Variants in DAP observed in about 807,000 individuals in gnomAD.
DAP encodes death-associated protein 1.
In DAP, 8 loss-of-function variants were observed where a neutral mutation model predicts 13.8. The ratio of observed to expected loss-of-function variants is 0.58; its 90% CI spans 0.34 to 1.05. The LOEUF is 1.05. DAP is among the 50% of genes least tolerant of loss of function. DAP has a pLI of 0.03. For missense variants in DAP, 106 were observed against 133.2 expected, an observed-to-expected ratio of 0.80 and a Z score of 1.01; for synonymous variants, 47 against 47.5, an observed-to-expected ratio of 0.99 and a Z score of 0.04.
rs1458372372 is a variant in DAP, at chr5:10,681,097, G to A, written c.268C>T (p.Pro90Ser). The A allele has an allele frequency of 4.4e-6, 7 of 1,592,776 alleles. No homozygotes were observed. Among genetic ancestry groups the A allele is most frequent in the African/African-American group, 1.3e-5 (1 of 74,442 alleles). The stretch of plus-strand genomic sequence containing the variant: ...TGGATGTGCTGGGTTCTTGGGGAAG[G>A]ATGCTTGTCCATGGAGGCATGCGGC... ...QKPHASMDKH[P>S]SPRTQHIQQP... The change falls in exon 4 of 4, where the codon CCT (proline) becomes TCT (serine). Residue 90 changes from proline (P) to serine (S), a missense_variant. Physicochemically the swap from Pro to Ser is moderately conservative, Grantham distance 74. Coordinates refer to ENST00000230895, the MANE Select transcript of DAP (RefSeq NM_004394.3).
In DAP at chr5:10,705,980, G is replaced by A. The variant is rs1279078155; in HGVS notation, c.153-22409C>T. Among the ~76,000 whole-genome samples, 4 of 152,168 alleles carry A rather than the reference G, an allele frequency of 2.6e-5. 1 individual carries two copies. Among genetic ancestry groups the A allele is most frequent in the Non-Finnish European group, 5.9e-5 (4 of 68,034 alleles). ...ATTTCTCAAATATGCATCATTTTAG[G>A]TAGATGAGAAAGAAGCCACAGTCAC... is the stretch of plus-strand genomic sequence containing the variant. On this transcript the variant is annotated intron_variant, in intron 2 of 3. Coordinates refer to ENST00000230895, the MANE Select transcript of DAP (RefSeq NM_004394.3).
chr5:10,722,601 T>C (rs1366186501), intron 2 of DAP, among the ~76,000 whole-genome samples: 3 of 147,920 alleles, frequency 2.0e-5, no homozygotes, highest in East Asian at 1.9e-4. Flanking sequence ...TATACATATA[T>C]ATACATATAT....
chr5:10,760,942 C>T (rs929960313), intron 1 of DAP, 72 bp downstream of exon 1: 3 of 1,031,078 alleles, frequency 2.9e-6, no homozygotes, highest in Non-Finnish European at 3.7e-6. Flanking sequence ...CCGCGGAGCC[C>T]CCGCCCGGCG....
intron 3 of DAP, chr5:10,682,976 T>G: frequency 5.9e-6 from 1 of 169,304 alleles, no homozygotes; most frequent in Non-Finnish European, 1.2e-5. Flanking sequence ...CAGAGCCAGG[T>G]TCGGCCTGTC....
At chr5:10,708,024 A>G (rs1366550376) in intron 2 of DAP, among the ~76,000 whole-genome samples, 2 of 152,248 alleles carry the variant, frequency 1.3e-5, no homozygotes, top group Non-Finnish European at 2.9e-5. Context: ...TTCACGGGCA[A>G]TACAAACTTG....
chr5:10,703,332 G>A (rs756107041), intron 2 of DAP, among the ~76,000 whole-genome samples: 3 of 152,220 alleles, frequency 2.0e-5, no homozygotes, highest in Admixed American at 6.5e-5. Context: ...ATGCTAGTGT[G>A]CTGAGTTGGG....
intron 1 of DAP, among the ~76,000 whole-genome samples, chr5:10,749,907 C>T (rs758650754): frequency 7.9e-5 from 12 of 152,236 alleles, no homozygotes; most frequent in African/African-American, 2.9e-4. Flanking sequence ...TCCTCCACGC[C>T]CTCAGCTATG....
rs1231776937 is a variant in DAP at position 10,707,100 on chromosome 5, A to G, written c.153-23529T>C. On this transcript the variant is annotated intron_variant, in intron 2 of 3. Coordinates refer to ENST00000230895, the MANE Select transcript of DAP (RefSeq NM_004394.3). This position sits in a 1 kb window ranked among gnomAD's most constrained non-coding sequence, Gnocchi z 4.0. Reference sequence around the variant, plus strand: ...CCCCAAGTCAGTCGGCCAGTTTGCAACGTCTGAGGTGGCTGGGGCTCAATG... The same window carrying G: ...CCCCAAGTCAGTCGGCCAGTTTGCAGCGTCTGAGGTGGCTGGGGCTCAATG... Among the ~76,000 whole-genome samples, 4 of 152,232 alleles carry G rather than the reference A, an allele frequency of 2.6e-5. No individual in the cohort carries two copies. The highest frequency in any genetic ancestry group is 9.6e-5 in the African/African-American group (4 of 41,462).
intron 2 of DAP, among the ~76,000 whole-genome samples, chr5:10,699,896 T>C (rs1738524163): frequency 6.6e-6 from 1 of 152,218 alleles, no homozygotes; most frequent in African/African-American, 2.4e-5. Flanking sequence ...CCAGATAATA[T>C]GCTTTACCAC....
chr5:10,745,541 CCTCTT>C (rs1432624672), intron 2 of DAP, among the ~76,000 whole-genome samples: 1 of 152,152 alleles, frequency 6.6e-6, no homozygotes, highest in African/African-American at 2.4e-5. Flanking sequence ...CTCGATCTTT[CCTCTT>C]CAACTGTTCA....
intron 2 of DAP, among the ~76,000 whole-genome samples, chr5:10,711,992 C>T (rs1331253471): frequency 1.3e-5 from 2 of 152,160 alleles, no homozygotes; most frequent in African/African-American, 2.4e-5. Context: ...CAACACATTC[C>T]TATGTTGAAG....
At chr5:10,758,488 G>A (rs1740254038) in intron 1 of DAP, among the ~76,000 whole-genome samples, 1 of 152,090 alleles carries the variant, frequency 6.6e-6, no homozygotes, top group South Asian at 2.1e-4. Flanking sequence ...TATGGTCTTG[G>A]AGACAGATGA....
intron 2 of DAP, among the ~76,000 whole-genome samples, chr5:10,713,534 T>C (rs1738904510): frequency 6.6e-6 from 1 of 152,100 alleles, no homozygotes; most frequent in Non-Finnish European, 1.5e-5. Flanking sequence ...CTGACAGGGG[T>C]TACTGTTTTA....
intron 1 of DAP, among the ~76,000 whole-genome samples, chr5:10,760,405 C>T (rs1410398445): frequency 6.6e-6 from 1 of 152,100 alleles, no homozygotes; most frequent in Non-Finnish European, 1.5e-5. Flanking sequence ...TAAGAAAGAC[C>T]GCTCTTTCCT....
At chr5:10,716,934 C>T (rs1579802021) in intron 2 of DAP, among the ~76,000 whole-genome samples, 2 of 152,080 alleles carry the variant, frequency 1.3e-5, no homozygotes, top group African/African-American at 4.8e-5. Context: ...TATGATTAGA[C>T]CCCAAAATGC....
chr5:10,696,341 C>CG (rs560090200), intron 2 of DAP, among the ~76,000 whole-genome samples: 1 of 151,580 alleles, frequency 6.6e-6, no homozygotes, highest in Admixed American at 6.6e-5. Flanking sequence ...GGGGGTGTGG[C>CG]GGGGGGGAGG....
chr5:10,748,676 T>C (rs5745193), intron 1 of DAP, among the ~76,000 whole-genome samples: 2,516 of 152,304 alleles, frequency 0.017, 50 homozygotes, highest in African/African-American at 0.054. Context: ...ATGTTTTTGA[T>C]GGGGTGATAT....
At chr5:10,723,944 A>G (rs900891154) in intron 2 of DAP, among the ~76,000 whole-genome samples, 1 of 152,172 alleles carries the variant, frequency 6.6e-6, no homozygotes, top group Non-Finnish European at 1.5e-5. Flanking sequence ...TATTTGGAAG[A>G]TTATTGAAGT....
chr5:10,706,013 C>T (rs761880508), intron 2 of DAP, among the ~76,000 whole-genome samples: 5 of 152,214 alleles, frequency 3.3e-5, no homozygotes, highest in African/African-American at 9.6e-5. Context: ...CACCTCCGCC[C>T]TCTGGACTGC....
Sources: allele counts gnomAD v4.1 joint callset (sites outside exome capture counted in the v4.1 genomes callset), GRCh38; gene constraint gnomAD v4.1.1; non-coding constraint Gnocchi (gnomAD v3.1); transcripts MANE v1.5; gene names NCBI Gene and HGNC (gene_info 2026-07-23, HGNC 2026-07-21).